Variants in FLYWCH1 observed in about 807,000 individuals in gnomAD.
FLYWCH1 encodes FLYWCH-type zinc finger-containing protein 1.
FLYWCH1 carries 75 observed loss-of-function variants against 66.4 expected under a neutral mutation model. That is an observed-to-expected ratio of 1.13 (90% confidence interval 0.94 to 1.37). The LOEUF is 1.37. FLYWCH1 is among the 40% of genes most tolerant of loss of function. FLYWCH1 has a pLI of 0.00. For missense variants in FLYWCH1, 1,334 were observed against 1,001.8 expected (o/e 1.33, Z -4.48); for synonymous variants, 595 against 429.9 (o/e 1.38, Z -4.75).
Position 2,944,074 on chromosome 16 carries a change from G to A in FLYWCH1, c.2111+3982G>A, listed in dbSNP as rs540939940. Among the ~76,000 whole-genome samples the A allele has an allele frequency of 2.6e-3, 401 of 152,140 alleles. 4 individuals are homozygous for A. The highest frequency in any genetic ancestry group is 9.2e-3 in the African/African-American group (383 of 41,498). ...TCATGCATCTACACTCCAGCCCAGC[G>A]GACGGAGAGAGAACCTGTCTCAGAA... On this transcript the variant is annotated intron_variant, in intron 9 of 9. Transcript: ENST00000253928.
intron 9 of FLYWCH1, among the ~76,000 whole-genome samples, chr16:2,947,456 A>G (rs1420566100): frequency 6.6e-6 from 1 of 152,122 alleles, no homozygotes; most frequent in Non-Finnish European, 1.5e-5. Context: ...AGCTCAGTAG[A>G]GCTCTTAAAA....
At chr16:2,917,966 T>G (rs1310781514) in intron 2 of FLYWCH1, among the ~76,000 whole-genome samples, 1 of 151,122 alleles carries the variant, frequency 6.6e-6, no homozygotes, top group Non-Finnish European at 1.5e-5. Flanking sequence ...GCCTCCTGAG[T>G]AGCTGGGATT....
intron 2 of FLYWCH1, among the ~76,000 whole-genome samples, chr16:2,921,350 A>AC (rs2070368346): frequency 1.4e-5 from 1 of 71,684 alleles, no homozygotes; most frequent in East Asian, 2.9e-4. Context: ...CAATTTTAGG[A>AC]CTTTTTTTTT....
Position 2,930,918 on chromosome 16 carries a change from G to T in FLYWCH1, c.796+38G>T, listed in dbSNP as rs770739799. 5 of 1,491,652 alleles carry T rather than the reference G, an allele frequency of 3.4e-6. No homozygotes were observed. The South Asian group carries it at 3.7e-5, about 11-fold the overall frequency. 92.4% of individuals were successfully genotyped at this position (1,491,652 alleles called of 1,614,324 possible). ...CACTCCCCTGCTGCGTCCACTCGGGGCAGGGGACCCGAGGGCCCTTCCTCA... is the reference window on the plus strand; with the variant it reads ...CACTCCCCTGCTGCGTCCACTCGGGTCAGGGGACCCGAGGGCCCTTCCTCA... On this transcript the variant is annotated intron_variant, in intron 4 of 9. Transcript: ENST00000253928.
intron 2 of FLYWCH1, chr16:2,915,608 A>G (rs568980688): frequency 3.3e-5 from 5 of 152,276 alleles, no homozygotes; most frequent in African/African-American, 1.2e-4. Context: ...TCCAGTCAGC[A>G]ATTTTTAAAA....
rs774350825 is a variant in FLYWCH1 at position 2,933,431 on chromosome 16, C to G, written c.1098C>G (p.Leu366=). ...DGPGSQVDTL[L]RGVDSLLYRR... ...CTGGGAGCCAAGTGGACACGCTGCTCCGAGGCGTGGATAGTTTGCTCTACC... is the reference window on the plus strand; with the variant it reads ...CTGGGAGCCAAGTGGACACGCTGCTGCGAGGCGTGGATAGTTTGCTCTACC... The change falls in exon 5 of 10, where the codon CTC becomes CTG. Residue 366 remains leucine (L), a synonymous_variant. Coordinates refer to ENST00000253928, the MANE Select transcript of FLYWCH1 (RefSeq NM_001308068.2). The G allele has an allele frequency of 1.7e-5, 28 of 1,600,850 alleles. No individual in the cohort carries two copies. The highest frequency in any genetic ancestry group is 2.0e-5 in the Non-Finnish European group (24 of 1,174,604).
At chr16:2,940,449 A>G (rs1050891480) in intron 9 of FLYWCH1, among the ~76,000 whole-genome samples, 10 of 152,144 alleles carry the variant, frequency 6.6e-5, no homozygotes, top group African/African-American at 2.4e-4. Context: ...CCATTATTTT[A>G]TTTTTTGAGA....
intron 6 of FLYWCH1, among the ~76,000 whole-genome samples, chr16:2,934,278 A>C (rs2070903734): frequency 6.6e-6 from 1 of 152,098 alleles, no homozygotes; most frequent in Admixed American, 6.6e-5. Context: ...AGTTCATAGT[A>C]GTAATAGAGG....
Position 2,948,952 on chromosome 16 carries a change from T to TGTC in FLYWCH1, c.*228_*230dup. 1 of 547,418 alleles carries TGTC rather than the reference T, an allele frequency of 1.8e-6. No individual in the cohort carries two copies. The highest frequency in any genetic ancestry group is 2.1e-5 in the South Asian group (1 of 48,608). The allele number at this position is 547,418 out of a possible 1,614,324, so 33.9% of individuals were successfully genotyped here. ...CAGAGCTGGCGCTTGCAGACGCAGC[T>TGTC]GTCGTGGGGCAGGGCGGTGGCGCCT... On this transcript the variant is annotated 3_prime_UTR_variant, in exon 10 of 10. Transcript: ENST00000253928.
At chr16:2,939,274 C>G (rs576189329) in intron 8 of FLYWCH1, among the ~76,000 whole-genome samples, 13 of 152,098 alleles carry the variant, frequency 8.5e-5, no homozygotes, top group African/African-American at 3.1e-4. Flanking sequence ...GGAGAAACCC[C>G]GTCTCTACTA....
chr16:2,931,305 TAAA>T (rs150704073), intron 4 of FLYWCH1, among the ~76,000 whole-genome samples: 212 of 87,456 alleles, frequency 2.4e-3, no homozygotes, highest in Middle Eastern at 0.016. Flanking sequence ...TCCATCTCAG[TAAA>T]AAAAAAAAAA....
At chr16:2,939,857 G>C (rs973539940) in intron 8 of FLYWCH1, 175 bp from the exon 9 acceptor site, 1 of 616,316 alleles carries the variant, frequency 1.6e-6, no homozygotes, top group Admixed American at 3.4e-5. Flanking sequence ...AGGAGCTCAA[G>C]TAGCTGCTGT....
chr16:2,930,623 G>A lies in FLYWCH1; in HGVS notation c.539G>A (p.Gly180Asp), dbSNP rs2070729044. Residue 180 changes from glycine to aspartate, a missense_variant, in exon 4 of 10, where the codon GGC becomes GAC. Transcript: ENST00000253928. Reference protein sequence around the residue: ...RGHCHAPDEQGLEARRQREKL... With the variant: ...RGHCHAPDEQDLEARRQREKL... Reference sequence around the variant, plus strand: ...CACTGCCACGCGCCCGATGAGCAAGGCCTGGAGGCCCGGCGCCAGAGGGAG... The same window carrying A: ...CACTGCCACGCGCCCGATGAGCAAGACCTGGAGGCCCGGCGCCAGAGGGAG... The A allele has an allele frequency of 6.5e-7, 1 of 1,550,382 alleles. No homozygotes were observed. The highest frequency in any genetic ancestry group is 8.7e-7 in the Non-Finnish European group (1 of 1,148,052).
Position 2,938,012 on chromosome 16 carries a change from G to A in FLYWCH1, c.1778-172G>A, listed in dbSNP as rs115711512. ...CAGAGCCCTTGGAAAGGGCCAGCCA[G>A]CGTGGGAGTCTGGGCTGCAGGGCCC... On this transcript the variant is annotated intron_variant, in intron 7 of 9. Transcript: ENST00000253928. Among the ~76,000 whole-genome samples, 1,447 of 152,306 alleles carry A rather than the reference G, an allele frequency of 9.5e-3. 22 individuals are homozygous for A. Among genetic ancestry groups the A allele is most frequent in the African/African-American group, 0.034 (1,394 of 41,558 alleles).
intron 2 of FLYWCH1, among the ~76,000 whole-genome samples, chr16:2,921,711 C>CTGAGATCGT (rs2150909483): frequency 1.4e-5 from 2 of 147,366 alleles, no homozygotes; most frequent in South Asian, 2.2e-4. Flanking sequence ...GTAGTGATCA[C>CTGAGATCGT]GCCACCACAC....
intron 2 of FLYWCH1, among the ~76,000 whole-genome samples, chr16:2,925,563 A>G (rs1391362686): frequency 8.1e-4 from 5 of 6,194 alleles, no homozygotes; most frequent in Non-Finnish European, 2.8e-4. Flanking sequence ...CGCGCGGGGT[A>G]GGGGGAGTTG....
intron 9 of FLYWCH1, among the ~76,000 whole-genome samples, chr16:2,941,928 T>G (rs2071277683): frequency 8.1e-6 from 1 of 123,996 alleles, no homozygotes; most frequent in African/African-American, 3.2e-5. Flanking sequence ...ACCCAGGAGG[T>G]GGAGGTTGCA....
intron 9 of FLYWCH1, among the ~76,000 whole-genome samples, chr16:2,942,823 T>G (rs919350381): frequency 2.0e-5 from 3 of 147,332 alleles, no homozygotes; most frequent in African/African-American, 7.6e-5. Context: ...CTGTGAGTGA[T>G]CCCAGGTAGC....
chr16:2,943,915 C>T (rs2071372991), intron 9 of FLYWCH1, among the ~76,000 whole-genome samples: 1 of 151,406 alleles, frequency 6.6e-6, no homozygotes, highest in South Asian at 2.1e-4. Context: ...CCAGCCTGGG[C>T]AACATAGTGA....
Sources: allele counts gnomAD v4.1 joint callset (sites outside exome capture counted in the v4.1 genomes callset), GRCh38; gene constraint gnomAD v4.1.1; transcripts MANE v1.5; gene names NCBI Gene and HGNC (gene_info 2026-07-23, HGNC 2026-07-21).